The following LRBA variants were observed in gnomAD, a reference collection of about 807,000 sequenced individuals.
LRBA encodes lipopolysaccharide-responsive and beige-like anchor protein.
Under a neutral mutation model 330.0 loss-of-function variants are expected in LRBA, and 176 were observed. That is an observed-to-expected ratio of 0.53 (90% CI 0.47 to 0.60). LRBA has a LOEUF of 0.60. Among genes scored for constraint, LRBA ranks in the 20% least tolerant of loss-of-function variants. The probability of loss-of-function intolerance (pLI) is 0.00; values close to 1 mark genes in which losing one functional copy is unlikely to be tolerated. For missense variants in LRBA, 3,259 were observed against 3,444.8 expected, an observed-to-expected ratio of 0.95 and a Z score of 1.35; for synonymous variants, 1,230 against 1,193.0, an observed-to-expected ratio of 1.03 and a Z score of -0.64.
chr4:150,823,524 G>A (rs1253150649), intron 30 of LRBA, among the ~76,000 whole-genome samples: 4 of 152,020 alleles, frequency 2.6e-5, no homozygotes, highest in Non-Finnish European at 5.9e-5. Context: ...GGTATTACTC[G>A]AGAAATCTCC....
chr4:150,848,958 A>G lies in LRBA; in HGVS notation c.4199T>C (p.Ile1400Thr). ...ENIEPTQGLS[I>T]EASVTFLQRL... The stretch of plus-strand genomic sequence containing the variant: ...CTGCAAAAATGTCACAGAGGCTTCT[A>G]TTGAAAGGCCTTGAGTAGGTTCAAT... The change falls in exon 26 of 57, where the codon ATA becomes ACA. Residue 1400 changes from isoleucine to threonine, a missense_variant. Ile to Thr is a moderately conservative substitution (Grantham distance 89). Coordinates refer to ENST00000651943, the MANE Select transcript of LRBA (RefSeq NM_001364905.1). 1 of 1,611,536 alleles carries G rather than the reference A, an allele frequency of 6.2e-7. No individual in the cohort carries two copies. The highest frequency in any genetic ancestry group is 1.1e-5 in the South Asian group (1 of 90,484).
At chr4:150,559,653 T>C (rs1404628036) in intron 40 of LRBA, among the ~76,000 whole-genome samples, 1 of 55,448 alleles carries the variant, frequency 1.8e-5, no homozygotes, top group Non-Finnish European at 3.4e-5. Flanking sequence ...TAATATAATA[T>C]ATAATTATAA....
At chr4:151,012,688 A>T (rs998012783) in intron 2 of LRBA, 1 of 152,132 alleles carries the variant, frequency 6.6e-6, no homozygotes, top group Non-Finnish European at 1.5e-5. Flanking sequence ...TTTCCATAAT[A>T]TGCAGTTTTT....
At chr4:150,848,562 G>A (rs200935703) in intron 26 of LRBA, among the ~76,000 whole-genome samples, 5,117 of 117,756 alleles carry the variant, frequency 0.043, no homozygotes, top group African/African-American at 0.052. Context: ...GGAGAAAAAA[G>A]AAAAAAAAAA....
intron 2 of LRBA, among the ~76,000 whole-genome samples, chr4:150,931,515 C>A (rs1734500758): frequency 6.6e-6 from 1 of 150,498 alleles, no homozygotes; most frequent in Non-Finnish European, 1.5e-5. Context: ...AATCCCAAAA[C>A]TTTGGGAGGC....
At chr4:150,512,997 T>C (rs1761989252) in intron 40 of LRBA, among the ~76,000 whole-genome samples, 1 of 152,116 alleles carries the variant, frequency 6.6e-6, no homozygotes. Flanking sequence ...CTATGTTAAG[T>C]ATAGGTAAGG....
rs137986853 is a variant in LRBA, at chr4:150,628,384, T to C, written c.5922-29253A>G. Among the ~76,000 whole-genome samples, 545 of 152,280 alleles carry C rather than the reference T, an allele frequency of 3.6e-3. 1 individual carries two copies. The highest frequency in any genetic ancestry group is 6.3e-3 in the Non-Finnish European group (430 of 68,006). On this transcript the variant is annotated intron_variant, in intron 37 of 56. Transcript: ENST00000651943. Reference sequence around the variant, plus strand: ...TGTTATTTGAGCAGGCTTTGCTCCATATTATTTTATAGAATGATCAAAAAA... The same window carrying C: ...TGTTATTTGAGCAGGCTTTGCTCCACATTATTTTATAGAATGATCAAAAAA...
rs1384565704 is a variant in LRBA at position 150,783,337 on chromosome 4, G to T, written c.5580+14744C>A. Among the ~76,000 whole-genome samples, 4 of 152,208 alleles carry T rather than the reference G, an allele frequency of 2.6e-5. No homozygotes were observed. In the East Asian group the frequency reaches 7.7e-4, roughly 29 times the overall value. On this transcript the variant is annotated intron_variant, in intron 34 of 56. Transcript: ENST00000651943. ...AACAATTATAGGATAATAGCGTACC[G>T]TTCCAATGGATAGAAATACAAGACA...
intron 2 of LRBA, among the ~76,000 whole-genome samples, chr4:151,008,068 G>T (rs1367456326): frequency 6.6e-6 from 1 of 151,502 alleles, no homozygotes; most frequent in African/African-American, 2.4e-5. Flanking sequence ...CTTAAAATGA[G>T]AAGTTTTTTT....
At chr4:150,419,743 T>C (rs955869442) in intron 46 of LRBA, among the ~76,000 whole-genome samples, 1 of 148,600 alleles carries the variant, frequency 6.7e-6, no homozygotes, top group Non-Finnish European at 1.5e-5. Context: ...GTTCAAGCGA[T>C]TCTCATGCCT....
intron 40 of LRBA, among the ~76,000 whole-genome samples, chr4:150,546,840 G>A (rs1561331729): frequency 6.6e-6 from 1 of 152,062 alleles, no homozygotes; most frequent in East Asian, 1.9e-4. Context: ...TCTCTACATT[G>A]GTTTTAATAT....
chr4:150,849,690 G>T, intron 24 of LRBA, 115 bp from the exon 25 acceptor site: 1 of 765,920 alleles, frequency 1.3e-6, no homozygotes, highest in South Asian at 1.7e-5. Context: ...AAAACTGAAG[G>T]AAGATGATGC....
At chr4:150,310,024 C>G (rs1460916549) in intron 52 of LRBA, among the ~76,000 whole-genome samples, 1 of 152,052 alleles carries the variant, frequency 6.6e-6, no homozygotes, top group East Asian at 1.9e-4. Context: ...AAAACTGTCT[C>G]TTACAAACAT....
intron 28 of LRBA, among the ~76,000 whole-genome samples, chr4:150,835,163 T>C (rs1218698792): frequency 4.6e-5 from 7 of 152,194 alleles, no homozygotes; most frequent in South Asian, 4.1e-4. Flanking sequence ...CGTTGGTCTA[T>C]ATCTCTGTTT....
At chr4:150,304,048 C>A (rs959041622) in intron 52 of LRBA, among the ~76,000 whole-genome samples, 2 of 152,100 alleles carry the variant, frequency 1.3e-5, no homozygotes, top group African/African-American at 4.8e-5. Flanking sequence ...ACAATGTCTA[C>A]CCTTAATATT....
At chr4:150,596,020 G>A (rs1773448097) in intron 38 of LRBA, among the ~76,000 whole-genome samples, 1 of 151,896 alleles carries the variant, frequency 6.6e-6, no homozygotes, top group Non-Finnish European at 1.5e-5. Flanking sequence ...TTAATCATAA[G>A]AGGAAGTATT....
intron 37 of LRBA, among the ~76,000 whole-genome samples, chr4:150,623,433 T>C (rs143594468): frequency 1.0e-3 from 156 of 152,276 alleles, no homozygotes; most frequent in African/African-American, 3.5e-3. Flanking sequence ...ATTTTCATAC[T>C]ATTAAATAGT....
intron 2 of LRBA, among the ~76,000 whole-genome samples, chr4:150,983,210 C>T (rs1171584782): frequency 6.6e-6 from 1 of 152,082 alleles, no homozygotes; most frequent in African/African-American, 2.4e-5. Context: ...GTAGTCCCAG[C>T]ATTTGGGAGG....
chr4:150,277,782 G>A, intron 56 of LRBA, 71 bp downstream of exon 56: 6 of 1,480,646 alleles, frequency 4.1e-6, no homozygotes, highest in Non-Finnish European at 5.6e-6. Flanking sequence ...GATTACAGGT[G>A]TAAGCCAACA....
Sources: gnomAD v4.1 joint callset for allele counts (sites outside exome capture counted in the v4.1 genomes callset) on GRCh38, gnomAD v4.1.1 for gene constraint, MANE v1.5 for transcripts, NCBI Gene and HGNC (gene_info 2026-07-23, HGNC 2026-07-21) for gene names.